DNAH10: variants seen among roughly 807,000 people sequenced by gnomAD.
DNAH10 encodes the protein axonemal beta dynein heavy chain 10.
In DNAH10, 348 loss-of-function variants were observed where a neutral mutation model predicts 506.6. The observed-to-expected ratio is 0.69, with a 90% CI of 0.63 to 0.75. DNAH10 has a LOEUF of 0.75. Ranked by LOEUF, DNAH10 falls within the 30% of genes least tolerant of loss-of-function variation. The pLI, the probability that DNAH10 is intolerant of heterozygous loss-of-function variation, is 0.00. For synonymous variants in DNAH10, 2,059 were observed against 2,198.6 expected (o/e 0.94, Z 1.78); for missense variants, 5,179 against 5,787.1 (o/e 0.89, Z 3.41).
chr12:123,926,162 T>C lies in DNAH10; in HGVS notation c.11922-475T>C, dbSNP rs1019599139. On this transcript the variant is annotated intron_variant, in intron 68 of 78. Coordinates refer to ENST00000673944, the MANE Select transcript of DNAH10 (RefSeq NM_001372106.1). The surrounding 1 kb of genome is among the most constrained non-coding windows in gnomAD (Gnocchi z 4.1). ...GGGAGGATTGCTTGAGCCCAAGAGT[T>C]TGAGGCTGCAGTGAGCTGTGATAGT... 3 of 151,350 alleles carry C rather than the reference T, an allele frequency of 2.0e-5. No homozygotes were observed. Among genetic ancestry groups the C allele is most frequent in the African/African-American group, 4.9e-5 (2 of 40,988 alleles). The allele number at this position is 151,350 out of a possible 1,614,324, so 9.4% of individuals were successfully genotyped here. A position where few individuals can be genotyped will look rare whatever the true frequency, so the allele number is the denominator to read the frequency against.
At position 123,813,418 on chromosome 12, in the gene DNAH10, ACCT is replaced by A. The variant is rs1442884457; in HGVS notation, c.3403_3405del (p.Pro1135del). The stretch of plus-strand genomic sequence containing the variant: ...TGATGGAGAAATTTGCTGCCAAGAA[ACCT>A]CCTTGTGTAGCATATGATGAAAAGT... On this transcript the variant is annotated inframe_deletion, in exon 20 of 79. Transcript: ENST00000673944. 8 of 1,613,984 alleles carry A rather than the reference ACCT, an allele frequency of 5.0e-6. No homozygotes were observed. The highest frequency in any genetic ancestry group is 6.8e-6 in the Non-Finnish European group (8 of 1,180,026).
chr12:123,839,601 G>T, intron 29 of DNAH10, among the ~76,000 whole-genome samples: 1 of 149,878 alleles, frequency 6.7e-6, no homozygotes, highest in Admixed American at 6.6e-5. Context: ...TTGTAAAGTT[G>T]TACAAATTTG....
intron 52 of DNAH10, among the ~76,000 whole-genome samples, chr12:123,889,891 TG>T (rs1259215818): frequency 6.6e-6 from 1 of 152,194 alleles, no homozygotes; most frequent in African/African-American, 2.4e-5. Context: ...ACCCGTTTCT[TG>T]GCTCTTTAGC....
chr12:123,833,343 T>C lies in DNAH10; in HGVS notation c.4775T>C (p.Ile1592Thr), dbSNP rs764542907. ...ACGCTTTCTCTAATAGGGGAAGTCATTGAGGTGAGAGAAAAGATGAACAAA... is the reference window on the plus strand; with the variant it reads ...ACGCTTTCTCTAATAGGGGAAGTCACTGAGGTGAGAGAAAAGATGAACAAA... ...EKTLSLIGEV[I>T]EIWMLVQRKW... Residue 1592 changes from isoleucine (I) to threonine (T), a missense_variant, in exon 27 of 79, where the codon ATT (isoleucine) becomes ACT (threonine). Transcript: ENST00000673944. 20 of 1,608,246 alleles carry C rather than the reference T, an allele frequency of 1.2e-5. No homozygotes were observed. The highest frequency in any genetic ancestry group is 8.9e-5 in the South Asian group (8 of 89,830).
intron 24 of DNAH10, among the ~76,000 whole-genome samples, chr12:123,825,152 G>A (rs1189321028): frequency 6.6e-6 from 1 of 152,146 alleles, no homozygotes; most frequent in Non-Finnish European, 1.5e-5. Context: ...ACCAGATGCT[G>A]CTGATAGATC....
intron 59 of DNAH10, among the ~76,000 whole-genome samples, chr12:123,912,481 G>T (rs1954265219): frequency 9.8e-6 from 1 of 102,342 alleles, no homozygotes; most frequent in Non-Finnish European, 2.0e-5. Context: ...TCCTGGGGGG[G>T]GGTCTGTCCT....
In DNAH10 at chr12:123,926,079, AG is replaced by A. The variant is rs1954927662; in HGVS notation, c.11922-557del. Reference sequence around the variant, plus strand: ...GCCTCTAAAAAATAAAAAATAAAAAAGAATTAGCCAGGCGTGGTGGTGCACA... The same window carrying A: ...GCCTCTAAAAAATAAAAAATAAAAAAAATTAGCCAGGCGTGGTGGTGCACA... On this transcript the variant is annotated intron_variant, in intron 68 of 78. Coordinates refer to ENST00000673944, the MANE Select transcript of DNAH10 (RefSeq NM_001372106.1). The surrounding 1 kb of genome is among the most constrained non-coding windows in gnomAD (Gnocchi z 4.1). 6.6e-6 allele frequency: 1 copy of A among 151,996 alleles called. No individual in the cohort carries two copies. Among genetic ancestry groups the A allele is most frequent in the Admixed American group, 6.5e-5 (1 of 15,268 alleles). The allele number at this position is 151,996 out of a possible 1,614,324, so 9.4% of individuals were successfully genotyped here.
Position 123,853,918 on chromosome 12 carries a change from G to A in DNAH10, c.6438+566G>A, listed in dbSNP as rs1005713275. ...CGTACGCACGCACATGTACACATACGCACACGCACGCACACGCACACGCAC... is the reference window on the plus strand; with the variant it reads ...CGTACGCACGCACATGTACACATACACACACGCACGCACACGCACACGCAC... On this transcript the variant is annotated intron_variant, in intron 36 of 78. Coordinates refer to ENST00000673944, the MANE Select transcript of DNAH10 (RefSeq NM_001372106.1). The surrounding 1 kb of genome is among the most constrained non-coding windows in gnomAD (Gnocchi z 4.7). Among the ~76,000 whole-genome samples, 9 of 146,140 alleles carry A rather than the reference G, an allele frequency of 6.2e-5. No individual in the cohort carries two copies. The highest frequency in any genetic ancestry group is 2.2e-4 in the South Asian group (1 of 4,522).
chr12:123,850,711 C>A lies in DNAH10; in HGVS notation c.6103-177C>A, dbSNP rs568212040. Among the ~76,000 whole-genome samples, 1 of 152,266 alleles carries A rather than the reference C, an allele frequency of 6.6e-6. No individual in the cohort carries two copies. The highest frequency in any genetic ancestry group is 1.9e-4 in the East Asian group (1 of 5,168). ...CCACTGAGACCTGCCCTCCCCAAGG[C>A]CTTCAGCGAGGGGGGCCCTGCATTG... On this transcript the variant is annotated intron_variant, in intron 34 of 78. Transcript: ENST00000673944. The surrounding 1 kb of genome is among the most constrained non-coding windows in gnomAD (Gnocchi z 5.5).
chr12:123,916,463 T>G lies in DNAH10; in HGVS notation c.10729T>G (p.Ser3577Ala). ...TGCCTCCCTTCTCTTCCAGGTCGCT[T>G]CCTTTAATGACCCTGACTTCCTCAA... ...KEEKNNLRVA[S>A]FNDPDFLKQL... Residue 3577 changes from serine to alanine, a missense_variant, in exon 63 of 79, where the codon TCC (serine) becomes GCC (alanine). By Grantham distance (99) the Ser-to-Ala change is moderately conservative. Transcript: ENST00000673944. The surrounding 1 kb of genome is among the most constrained non-coding windows in gnomAD (Gnocchi z 4.6). 6.2e-7 allele frequency: 1 copy of G among 1,605,112 alleles called. No homozygotes were observed. The highest frequency in any genetic ancestry group is 1.3e-5 in the African/African-American group (1 of 74,410).
intron 26 of DNAH10, among the ~76,000 whole-genome samples, chr12:123,831,563 G>A (rs1334076795): frequency 6.6e-6 from 1 of 152,196 alleles, no homozygotes; most frequent in Non-Finnish European, 1.5e-5. Context: ...GCCAGCCATT[G>A]TAACCTAATA....
At chr12:123,930,755 C>T (rs1407902485) in intron 73 of DNAH10, among the ~76,000 whole-genome samples, 182 bp downstream of exon 73, 1 of 152,188 alleles carries the variant, frequency 6.6e-6, no homozygotes, top group African/African-American at 2.4e-5. Context: ...TCAGATTTCC[C>T]ATCCTGGAAT....
At chr12:123,851,158 A>G in intron 35 of DNAH10, 82 bp downstream of exon 35, 1 of 1,425,236 alleles carries the variant, frequency 7.0e-7, no homozygotes, top group Non-Finnish European at 9.3e-7. Context: ...AGGACGCGTT[A>G]GCTCCGTGTG....
chr12:123,800,509 A>T, intron 15 of DNAH10, 121 bp downstream of exon 15: 1 of 967,812 alleles, frequency 1.0e-6, no homozygotes, highest in South Asian at 1.8e-5. Flanking sequence ...TATAATTATG[A>T]ATTCTTACCA....
chr12:123,825,046 C>T (rs967999145), intron 24 of DNAH10, among the ~76,000 whole-genome samples: 5 of 151,990 alleles, frequency 3.3e-5, no homozygotes, highest in Non-Finnish European at 4.4e-5. Flanking sequence ...AAAGGAAAGA[C>T]GAGGAAGAGG....
chr12:123,929,849 C>T (rs1955125986), intron 72 of DNAH10, 90 bp downstream of exon 72: 1 of 1,162,234 alleles, frequency 8.6e-7, no homozygotes, highest in Non-Finnish European at 1.2e-6. Context: ...CCCTCAGAAC[C>T]AGCCTCTTCT....
At chr12:123,892,725 T>C (rs1953041389) in intron 52 of DNAH10, among the ~76,000 whole-genome samples, 1 of 152,248 alleles carries the variant, frequency 6.6e-6, no homozygotes, top group African/African-American at 2.4e-5. Flanking sequence ...GAAGTCCACG[T>C]AGCCAGGGTT....
At chr12:123,793,791 A>G (rs1027193095) in intron 11 of DNAH10, among the ~76,000 whole-genome samples, 151 bp from the exon 12 acceptor site, 1 of 152,112 alleles carries the variant, frequency 6.6e-6, no homozygotes, top group East Asian at 1.9e-4. Flanking sequence ...AACATAGCCA[A>G]TCTCCCACTT....
chr12:123,928,754 G>A lies in DNAH10; in HGVS notation c.12306+167G>A, dbSNP rs1955058582. The stretch of plus-strand genomic sequence containing the variant: ...TCAATCCCACCTCTCTCTTTAGAGG[G>A]AGCCGCTGTCCTGGGTTGGGTGTTT... On this transcript the variant is annotated intron_variant, in intron 70 of 78. Coordinates refer to ENST00000673944, the MANE Select transcript of DNAH10 (RefSeq NM_001372106.1). The surrounding 1 kb of genome is among the most constrained non-coding windows in gnomAD (Gnocchi z 4.9). The A allele has an allele frequency of 1.3e-6, 1 of 777,594 alleles. No homozygotes were observed. Among genetic ancestry groups the A allele is most frequent in the Non-Finnish European group, 2.0e-6 (1 of 498,760 alleles). 48.2% of individuals were successfully genotyped at this position (777,594 alleles called of 1,614,324 possible).
Sources: gnomAD v4.1 joint callset for allele counts (sites outside exome capture counted in the v4.1 genomes callset) on GRCh38, gnomAD v4.1.1 for gene constraint, Gnocchi (gnomAD v3.1) non-coding constraint, MANE v1.5 for transcripts, NCBI Gene and HGNC (gene_info 2026-07-23, HGNC 2026-07-21) for gene names.